The following OPCML variants were observed in gnomAD, a reference collection of about 807,000 sequenced individuals.
OPCML encodes opioid binding protein/cell adhesion molecule like.
In OPCML, 13 loss-of-function variants were observed where a neutral mutation model predicts 37.8. The observed-to-expected ratio is 0.34, with a 90% CI of 0.22 to 0.55. The LOEUF is 0.55. Ranked by LOEUF, OPCML falls within the 20% of genes least tolerant of loss-of-function variation. The pLI is 0.91. For synonymous variants in OPCML, 176 were observed against 168.8 expected (o/e 1.04, Z -0.33); for missense variants, 341 against 435.6 (o/e 0.78, Z 1.93).
At chr11:133,404,597 C>T (rs1255237096) in intron 1 of OPCML, among the ~76,000 whole-genome samples, 2 of 152,224 alleles carry the variant, frequency 1.3e-5, no homozygotes, top group African/African-American at 4.8e-5. Flanking sequence ...AACCACTACG[C>T]CACACTGCCT....
chr11:132,848,831 T>C (rs540083690), intron 2 of OPCML, among the ~76,000 whole-genome samples: 1 of 152,366 alleles, frequency 6.6e-6, no homozygotes, highest in African/African-American at 2.4e-5. Flanking sequence ...ATGGTAACAA[T>C]GACACTTTTT....
chr11:132,663,628 G>T (rs565848697), intron 2 of OPCML, among the ~76,000 whole-genome samples: 2 of 152,298 alleles, frequency 1.3e-5, no homozygotes, highest in South Asian at 4.1e-4. Flanking sequence ...GGCTTTGTCA[G>T]TGACGCCTTC....
intron 1 of OPCML, chr11:133,422,138 C>A (rs1945901424): frequency 2.0e-6 from 2 of 983,674 alleles, no homozygotes; most frequent in Non-Finnish European, 2.4e-6. Context: ...CCCTGGCAGG[C>A]CCCGATGTGT....
At chr11:133,027,491 T>G (rs77873729) in intron 1 of OPCML, among the ~76,000 whole-genome samples, 25 of 119,506 alleles carry the variant, frequency 2.1e-4, no homozygotes, top group East Asian at 9.6e-4. Context: ...GTGTGTGTGT[T>G]GTGTGTGTGT....
At chr11:133,404,532 CA>C (rs1945484470) in intron 1 of OPCML, among the ~76,000 whole-genome samples, 1 of 152,176 alleles carries the variant, frequency 6.6e-6, no homozygotes, top group South Asian at 2.1e-4. Context: ...ATTCCACAGA[CA>C]GGGAAGGCTA....
intron 3 of OPCML, among the ~76,000 whole-genome samples, chr11:132,573,220 T>A (rs2096442563): frequency 6.6e-6 from 1 of 151,908 alleles, no homozygotes; most frequent in African/African-American, 2.4e-5. Context: ...CCAATTTGGA[T>A]GTTTTTTAAA....
At chr11:133,251,649 T>A (rs1021704389) in intron 1 of OPCML, among the ~76,000 whole-genome samples, 1 of 151,990 alleles carries the variant, frequency 6.6e-6, no homozygotes, top group South Asian at 2.1e-4. Context: ...AGAGGAAACA[T>A]GATTGCTGAA....
chr11:133,442,000 T>C (rs1187755531), intron 1 of OPCML, among the ~76,000 whole-genome samples: 1 of 152,200 alleles, frequency 6.6e-6, no homozygotes, highest in African/African-American at 2.4e-5. Flanking sequence ...TAATACCTAA[T>C]GTTTATTGAG....
At chr11:133,513,579 T>A (rs954423415) in intron 1 of OPCML, among the ~76,000 whole-genome samples, 1 of 152,312 alleles carries the variant, frequency 6.6e-6, no homozygotes, top group African/African-American at 2.4e-5. Flanking sequence ...ATAGGATTGT[T>A]TATGCAAAAG....
intron 2 of OPCML, among the ~76,000 whole-genome samples, chr11:132,794,651 T>C (rs1250902794): frequency 6.6e-6 from 1 of 152,088 alleles, no homozygotes; most frequent in African/African-American, 2.4e-5. Flanking sequence ...AAGCCACACA[T>C]CCAGGCTCTT....
At chr11:132,946,379 C>G (rs1017888730) in intron 1 of OPCML, among the ~76,000 whole-genome samples, 1 of 152,116 alleles carries the variant, frequency 6.6e-6, no homozygotes, top group Non-Finnish European at 1.5e-5. Flanking sequence ...AAACTAGTAA[C>G]ATAGTCGTTT....
chr11:132,737,008 G>C (rs1945282120), intron 2 of OPCML, among the ~76,000 whole-genome samples: 1 of 152,228 alleles, frequency 6.6e-6, no homozygotes, highest in Non-Finnish European at 1.5e-5. Context: ...AATGATGAAA[G>C]TGAAGTGGAT....
At chr11:132,557,003 G>A (rs567064140) in intron 3 of OPCML, among the ~76,000 whole-genome samples, 1 of 152,258 alleles carries the variant, frequency 6.6e-6, no homozygotes, top group East Asian at 1.9e-4. Flanking sequence ...GTTCCTGGCT[G>A]AAAATGAGTT....
intron 1 of OPCML, among the ~76,000 whole-genome samples, chr11:133,307,813 G>A (rs1283835124): frequency 6.6e-6 from 1 of 151,830 alleles, no homozygotes; most frequent in African/African-American, 2.4e-5. Flanking sequence ...TGGTAGACAA[G>A]CAACCAATCT....
At chr11:132,834,320 T>C (rs1940885952) in intron 2 of OPCML, among the ~76,000 whole-genome samples, 1 of 152,138 alleles carries the variant, frequency 6.6e-6, no homozygotes, top group South Asian at 2.1e-4. Context: ...AAAACAGACT[T>C]GGGAGAACTC....
At chr11:132,550,321 T>C (rs776409465) in intron 3 of OPCML, among the ~76,000 whole-genome samples, 25 of 152,020 alleles carry the variant, frequency 1.6e-4, no homozygotes, top group Non-Finnish European at 2.8e-4. Flanking sequence ...ATCATGGGGG[T>C]GGATTTCTCA....
At chr11:132,884,253 A>G (rs996839850) in intron 2 of OPCML, among the ~76,000 whole-genome samples, 3 of 152,220 alleles carry the variant, frequency 2.0e-5, no homozygotes, top group African/African-American at 7.2e-5. Flanking sequence ...CTAATAGGAC[A>G]GGACAGGGGC....
intron 1 of OPCML, among the ~76,000 whole-genome samples, chr11:133,349,501 C>T (rs990014347): frequency 1.5e-4 from 23 of 152,238 alleles, no homozygotes; most frequent in Middle Eastern, 3.4e-3. Flanking sequence ...TGCACTCAGC[C>T]GGGTCTATCC....
chr11:132,742,629 C>T (rs1945468315), intron 2 of OPCML, among the ~76,000 whole-genome samples: 1 of 151,758 alleles, frequency 6.6e-6, no homozygotes, highest in South Asian at 2.1e-4. Flanking sequence ...CGCTCCATGC[C>T]AACCAAGACA....
Sources: allele counts gnomAD v4.1 joint callset (sites outside exome capture counted in the v4.1 genomes callset), GRCh38; gene constraint gnomAD v4.1.1; transcripts MANE v1.5; gene names NCBI Gene and HGNC (gene_info 2026-07-23, HGNC 2026-07-21).